Variants in LRBA observed in about 807,000 individuals in gnomAD.
LRBA encodes the protein LPS responsive beige-like anchor protein.
A neutral mutation model predicts 330.0 loss-of-function variants in LRBA; 176 were observed. The observed-to-expected ratio is 0.53, with a 90% CI of 0.47 to 0.60. The LOEUF (loss-of-function observed/expected upper bound fraction) is 0.60. Among genes scored for constraint, LRBA ranks in the 20% least tolerant of loss-of-function variants. The pLI, the probability that LRBA is intolerant of heterozygous loss-of-function variation, is 0.00. For synonymous variants in LRBA, 1,230 were observed against 1,193.0 expected (o/e 1.03, Z -0.64); for missense variants, 3,259 against 3,444.8 (o/e 0.95, Z 1.35).
At chr4:150,277,192 C>T (rs1037657893) in intron 56 of LRBA, among the ~76,000 whole-genome samples, 1 of 150,486 alleles carries the variant, frequency 6.6e-6, no homozygotes, top group Non-Finnish European at 1.5e-5. Context: ...GCAAATACCT[C>T]ATCTTCTCAC....
At chr4:150,706,577 G>C (rs577720170) in intron 36 of LRBA, among the ~76,000 whole-genome samples, 5 of 149,564 alleles carry the variant, frequency 3.3e-5, no homozygotes, top group Non-Finnish European at 4.5e-5. Flanking sequence ...AGATCCATGA[G>C]AGAAAATATC....
chr4:150,953,511 G>A (rs181368639), intron 2 of LRBA, among the ~76,000 whole-genome samples: 170 of 152,090 alleles, frequency 1.1e-3, no homozygotes, highest in Non-Finnish European at 1.7e-3. Flanking sequence ...TTGCAGGTGC[G>A]CACCGCCACA....
chr4:150,900,975 G>C (rs1730658919), intron 13 of LRBA, among the ~76,000 whole-genome samples: 1 of 151,980 alleles, frequency 6.6e-6, no homozygotes, highest in South Asian at 2.1e-4. Flanking sequence ...AATAATACAA[G>C]TGCTACCCCA....
At chr4:150,816,120 G>C (rs966111159) in intron 31 of LRBA, among the ~76,000 whole-genome samples, 18 of 151,852 alleles carry the variant, frequency 1.2e-4, no homozygotes, top group Non-Finnish European at 2.5e-4. Context: ...AACTCTCCAA[G>C]ATATGCTAAT....
intron 34 of LRBA, among the ~76,000 whole-genome samples, chr4:150,763,922 C>A (rs1328279976): frequency 6.6e-6 from 1 of 151,866 alleles, no homozygotes; most frequent in Non-Finnish European, 1.5e-5. Flanking sequence ...GCAAGAAGTA[C>A]GATACTTCAA....
intron 50 of LRBA, among the ~76,000 whole-genome samples, chr4:150,319,801 T>C (rs527896790): frequency 4.3e-4 from 66 of 152,256 alleles, no homozygotes; most frequent in Admixed American, 3.9e-4. Flanking sequence ...GCTTAGTCAA[T>C]GTACCAAGTT....
intron 36 of LRBA, among the ~76,000 whole-genome samples, chr4:150,687,118 C>T (rs955660698): frequency 6.6e-6 from 1 of 151,940 alleles, no homozygotes; most frequent in Non-Finnish European, 1.5e-5. Flanking sequence ...AAAAGAAAAC[C>T]AAACAAGAAT....
At chr4:150,373,124 C>CGT (rs70937397) in intron 47 of LRBA, among the ~76,000 whole-genome samples, 5,494 of 96,226 alleles carry the variant, frequency 0.057, 182 homozygotes, top group Non-Finnish European at 0.066. Flanking sequence ...ACTACAATCT[C>CGT]GTGTGTGTGT....
intron 48 of LRBA, among the ~76,000 whole-genome samples, chr4:150,346,778 A>AC (rs927380793): frequency 1.3e-5 from 2 of 150,320 alleles, no homozygotes; most frequent in African/African-American, 2.4e-5. Flanking sequence ...AAAAAAAAAA[A>AC]AAAAAAAAAC....
In LRBA at chr4:150,914,208, C is replaced by T. The variant is rs762453145; in HGVS notation, c.1148G>A (p.Gly383Asp). The change falls in exon 9 of 57, where the codon GGC (glycine) becomes GAC (aspartate). Residue 383 changes from glycine to aspartate, a missense_variant. By Grantham distance (94) the Gly-to-Asp change is moderately conservative. Coordinates refer to ENST00000651943, the MANE Select transcript of LRBA (RefSeq NM_001364905.1). Reference protein sequence around the residue: ...AAQIFAIYQLGLGYKGTFKFK... With the variant: ...AAQIFAIYQLDLGYKGTFKFK... ...TAAGCAAACTACCTTGTATCCCAGG[C>T]CCAACTGATAAATAGCAAATATCTG... The T allele has an allele frequency of 6.2e-7, 1 of 1,606,414 alleles. No homozygotes were observed. The highest frequency in any genetic ancestry group is 8.5e-7 in the Non-Finnish European group (1 of 1,176,046).
At chr4:150,676,289 A>G (rs1359045699) in intron 37 of LRBA, among the ~76,000 whole-genome samples, 1 of 152,184 alleles carries the variant, frequency 6.6e-6, no homozygotes, top group Admixed American at 6.5e-5. Context: ...CTTGTTTATG[A>G]CCATTTACAG....
chr4:150,874,934 A>C (rs1463372444), intron 17 of LRBA, among the ~76,000 whole-genome samples: 1 of 152,186 alleles, frequency 6.6e-6, no homozygotes, highest in Non-Finnish European at 1.5e-5. Context: ...ATCCAGGTTC[A>C]GAGGGGTCCT....
At chr4:150,418,098 C>T (rs1748052849) in intron 46 of LRBA, among the ~76,000 whole-genome samples, 1 of 150,552 alleles carries the variant, frequency 6.6e-6, no homozygotes, top group Non-Finnish European at 1.5e-5. Flanking sequence ...AATCATAGTT[C>T]ACCGTAACCT....
intron 38 of LRBA, among the ~76,000 whole-genome samples, chr4:150,597,814 TTTTA>T (rs976146630): frequency 9.2e-5 from 14 of 152,144 alleles, no homozygotes; most frequent in African/African-American, 3.1e-4. Context: ...TAATTCTACA[TTTTA>T]TTTCTCTTTC....
At chr4:150,961,331 C>G (rs1738122950) in intron 2 of LRBA, among the ~76,000 whole-genome samples, 1 of 149,144 alleles carries the variant, frequency 6.7e-6, no homozygotes, top group Admixed American at 6.6e-5. Flanking sequence ...CAGGCCTAAT[C>G]TTCACCCAAG....
chr4:150,951,132 C>A (rs1224229887), intron 2 of LRBA, among the ~76,000 whole-genome samples: 1 of 152,174 alleles, frequency 6.6e-6, no homozygotes, highest in African/African-American at 2.4e-5. Flanking sequence ...CTGGTTCTTG[C>A]AGCTTCATTC....
chr4:150,541,557 AAATAG>A (rs1765318656), intron 40 of LRBA, among the ~76,000 whole-genome samples: 1 of 151,242 alleles, frequency 6.6e-6, no homozygotes, highest in East Asian at 2.0e-4. Flanking sequence ...AAATATTAAA[AAATAG>A]AATAAATGAT....
intron 47 of LRBA, among the ~76,000 whole-genome samples, chr4:150,392,699 T>C (rs1744161654): frequency 6.6e-6 from 1 of 152,104 alleles, no homozygotes; most frequent in Admixed American, 6.5e-5. Flanking sequence ...TTTGCTGAAG[T>C]TGCTTATCAG....
intron 2 of LRBA, among the ~76,000 whole-genome samples, chr4:150,963,589 C>T (rs1045226198): frequency 1.3e-5 from 2 of 149,714 alleles, no homozygotes; most frequent in Non-Finnish European, 2.9e-5. Context: ...GAGATTGCAG[C>T]CTCTGCCCGG....
Sources: gnomAD v4.1 joint callset for allele counts (sites outside exome capture counted in the v4.1 genomes callset) on GRCh38, gnomAD v4.1.1 for gene constraint, MANE v1.5 for transcripts, NCBI Gene and HGNC (gene_info 2026-07-23, HGNC 2026-07-21) for gene names.